Variants in DAB2IP observed in about 807,000 individuals in gnomAD.
DAB2IP encodes the protein DAB2 interacting protein.
Under a neutral mutation model 107.2 loss-of-function variants are expected in DAB2IP, and 28 were observed. That is an observed-to-expected ratio of 0.26 (90% CI 0.19 to 0.36). The LOEUF is 0.36. DAB2IP is among the 10% of genes least tolerant of loss of function. The pLI, the probability that DAB2IP is intolerant of heterozygous loss-of-function variation, is 1.00. For missense variants in DAB2IP, 1,400 were observed against 1,644.7 expected (o/e 0.85, Z 2.57); for synonymous variants, 755 against 706.4 (o/e 1.07, Z -1.09).
intron 14 of DAB2IP, among the ~76,000 whole-genome samples, chr9:121,780,175 T>A (rs1835504803): frequency 6.6e-6 from 1 of 152,188 alleles, no homozygotes; most frequent in African/African-American, 2.4e-5. Flanking sequence ...CGTGAGCCAA[T>A]GTGCCCGGCC....
At chr9:121,595,436 C>CAAAG (rs950677645) in intron 1 of DAB2IP, among the ~76,000 whole-genome samples, 1 of 151,544 alleles carries the variant, frequency 6.6e-6, no homozygotes, top group Non-Finnish European at 1.5e-5. Flanking sequence ...CTACAACAAA[C>CAAAG]AAACAAACAA....
At position 121,725,211 on chromosome 9, in the gene DAB2IP, C is replaced by T. The variant is rs192083608; in HGVS notation, c.362+25753C>T. On this transcript the variant is annotated intron_variant, in intron 3 of 15. Transcript: ENST00000408936. ...TGTCCAGCCTTGCTGTTTGCGTTGT[C>T]GTCACGTCTTCTTAATCAGCCTATT... Among the ~76,000 whole-genome samples, 14 of 152,252 alleles carry T rather than the reference C, an allele frequency of 9.2e-5. No homozygotes were observed. The East Asian group carries it at 1.7e-3, about 19-fold the overall frequency.
intron 3 of DAB2IP, among the ~76,000 whole-genome samples, chr9:121,738,876 G>A (rs1832118699): frequency 1.3e-5 from 2 of 152,248 alleles, no homozygotes; most frequent in East Asian, 3.8e-4. Flanking sequence ...AACACGTAGA[G>A]CTTGGCCACA....
chr9:121,643,623 C>T (rs574042292), intron 1 of DAB2IP, among the ~76,000 whole-genome samples: 17 of 152,154 alleles, frequency 1.1e-4, no homozygotes, highest in Admixed American at 8.5e-4. Flanking sequence ...ATATACTTTT[C>T]TGCTCGCTAT....
upstream of DAB2IP, among the ~76,000 whole-genome samples, chr9:121,649,882 C>CAA (rs1335565708): frequency 6.6e-6 from 1 of 152,234 alleles, no homozygotes; most frequent in Non-Finnish European, 1.5e-5. Context: ...GGAGATAGGG[C>CAA]AATGCCTCCA....
At position 121,765,913 on chromosome 9, in the gene DAB2IP, C is replaced by T. The variant is rs186735477; in HGVS notation, c.1461-581C>T. 9.2e-5 allele frequency among the ~76,000 whole-genome samples: 14 copies of T among 152,268 alleles called. No individual in the cohort carries two copies. The East Asian group carries it at 2.7e-3, about 29-fold the overall frequency. ...GTAGAGAATGGAGAGCTGTGTTGTCCCACCGTGTTCAGGGGTAGTCCCATC... is the reference window on the plus strand; with the variant it reads ...GTAGAGAATGGAGAGCTGTGTTGTCTCACCGTGTTCAGGGGTAGTCCCATC... On this transcript the variant is annotated intron_variant, in intron 8 of 15. Coordinates refer to ENST00000408936, the Ensembl canonical transcript of DAB2IP.
At position 121,760,753 on chromosome 9, in the gene DAB2IP, A is replaced by G. The variant is rs1833826382; in HGVS notation, c.1170+314A>G. On this transcript the variant is annotated intron_variant, in intron 6 of 15. Transcript: ENST00000408936. The surrounding 1 kb of genome is among the most constrained non-coding windows in gnomAD (Gnocchi z 5.9). The stretch of plus-strand genomic sequence containing the variant: ...CGACCCCCTGAGGCGCCAGGGGAAC[A>G]GGCTGGGTGGCCACGGCTCTCCCAG... 2.0e-5 allele frequency among the ~76,000 whole-genome samples: 3 copies of G among 152,118 alleles called. No homozygotes were observed. The highest frequency in any genetic ancestry group is 4.4e-5 in the Non-Finnish European group (3 of 68,004).
intron 3 of DAB2IP, chr9:121,751,112 C>G (rs868584758): frequency 2.4e-5 from 5 of 212,666 alleles, no homozygotes; most frequent in Middle Eastern, 2.0e-3. Context: ...GACCTTTCCC[C>G]CTGCCCGGCT....
intron 1 of DAB2IP, among the ~76,000 whole-genome samples, chr9:121,592,163 T>G (rs1830432479): frequency 6.6e-6 from 1 of 151,772 alleles, no homozygotes; most frequent in Non-Finnish European, 1.5e-5. Context: ...AGATCAGGGG[T>G]TTGAGACCAG....
chr9:121,578,513 CG>C (rs1564680730), intron 1 of DAB2IP, among the ~76,000 whole-genome samples: 1 of 151,836 alleles, frequency 6.6e-6, no homozygotes, highest in Non-Finnish European at 1.5e-5. Context: ...TTCCAAGCCC[CG>C]GGGGATTTTT....
chr9:121,603,388 GCCTTGGA>G (rs145726115), intron 1 of DAB2IP, among the ~76,000 whole-genome samples: 4,375 of 152,292 alleles, frequency 0.029, 155 homozygotes, highest in African/African-American at 0.082. Context: ...TGCTTGTTCT[GCCTTGGA>G]CCTATTTGAT....
intron 1 of DAB2IP, among the ~76,000 whole-genome samples, chr9:121,665,608 CAT>C (rs760703668): frequency 1.4e-4 from 21 of 152,252 alleles, no homozygotes; most frequent in African/African-American, 3.1e-4. Context: ...GAAAGGATAA[CAT>C]GTGTACAGAT....
chr9:121,768,720 G>A, intron 10 of DAB2IP, 87 bp downstream of exon 10: 1 of 1,537,306 alleles, frequency 6.5e-7, no homozygotes, highest in Non-Finnish European at 8.9e-7. Context: ...ATGGAGGGCA[G>A]AGAGTTTGCC....
Position 121,777,136 on chromosome 9 carries a change from G to A in DAB2IP, c.3314+745G>A, listed in dbSNP as rs143570121. On this transcript the variant is annotated intron_variant, in intron 14 of 15. Transcript: ENST00000408936. ...TACAATCAACCCCAGGGTCCCAGTC[G>A]TGGAGTTTACTTCCTTCTCAGTAAT... Among the ~76,000 whole-genome samples the A allele has an allele frequency of 2.8e-4, 43 of 152,268 alleles. No individual in the cohort carries two copies. The East Asian group carries it at 6.8e-3, about 24-fold the overall frequency.
At chr9:121,581,638 C>G (rs1285119579) in intron 1 of DAB2IP, among the ~76,000 whole-genome samples, 1 of 152,222 alleles carries the variant, frequency 6.6e-6, no homozygotes, top group East Asian at 1.9e-4. Context: ...CTGCTGGCTT[C>G]AAAGCCTGCG....
Position 121,758,797 on chromosome 9 carries a change from T to G in DAB2IP, c.517-101T>G, listed in dbSNP as rs918121444. ...CCTTCCTGAAGCTGTGATGCAGACC[T>G]GATGGCCAGAGTCCCCTGAGCCTCC... On this transcript the variant is annotated intron_variant, in intron 4 of 15. Coordinates refer to ENST00000408936, the Ensembl canonical transcript of DAB2IP. The G allele has an allele frequency of 6.6e-5, 66 of 1,007,452 alleles. No homozygotes were observed. In the African/African-American group the frequency reaches 9.1e-4, roughly 14 times the overall value. The allele number at this position is 1,007,452 out of a possible 1,614,324, so 62.4% of individuals were successfully genotyped here. A position where few individuals can be genotyped will look rare whatever the true frequency, so the allele number is the denominator to read the frequency against.
chr9:121,756,680 G>A (rs1833501659), intron 3 of DAB2IP, among the ~76,000 whole-genome samples: 1 of 152,244 alleles, frequency 6.6e-6, no homozygotes, highest in South Asian at 2.1e-4. Flanking sequence ...GGTCAGGCGG[G>A]CTTTCCTTGG....
At chr9:121,649,114 C>T (rs188695840), upstream of DAB2IP, among the ~76,000 whole-genome samples, 103 of 152,312 alleles carry the variant, frequency 6.8e-4, no homozygotes, top group East Asian at 0.015. Context: ...ACTCAGTACC[C>T]GGAGAGTACC....
Position 121,634,764 on chromosome 9 carries a change from G to A in DAB2IP, c.41-43914G>A, listed in dbSNP as rs372791891. ...TAGCCTCTAAAGGAAGCAGATGATA[G>A]CAATAGGAGAAGGCAGTGGACAGCC... On this transcript the variant is annotated intron_variant, in intron 1 of 16. Transcript: ENST00000259371. This position sits in a 1 kb window ranked among gnomAD's most constrained non-coding sequence, Gnocchi z 4.7. Among the ~76,000 whole-genome samples, 37 of 152,232 alleles carry A rather than the reference G, an allele frequency of 2.4e-4. No homozygotes were observed. The South Asian group carries it at 6.6e-3, about 27-fold the overall frequency.
Sources: allele counts gnomAD v4.1 joint callset (sites outside exome capture counted in the v4.1 genomes callset), GRCh38; gene constraint gnomAD v4.1.1; non-coding constraint Gnocchi (gnomAD v3.1); transcripts MANE v1.5; gene names NCBI Gene and HGNC (gene_info 2026-07-23, HGNC 2026-07-21).